Variants in ARHGAP40 observed in about 807,000 individuals in gnomAD.
ARHGAP40 encodes the protein rho GTPase-activating protein 40.
In ARHGAP40, 43 loss-of-function variants were observed where a neutral mutation model predicts 73.5. The observed-to-expected ratio is 0.58, with a 90% CI of 0.46 to 0.75. The LOEUF (loss-of-function observed/expected upper bound fraction) is 0.75. Ranked by LOEUF, ARHGAP40 falls within the 30% of genes least tolerant of loss-of-function variation. The probability of loss-of-function intolerance (pLI) is 0.00; values close to 1 mark genes in which losing one functional copy is unlikely to be tolerated. For missense variants in ARHGAP40, 734 were observed against 861.8 expected, an observed-to-expected ratio of 0.85 and a Z score of 1.86; for synonymous variants, 300 against 352.8, an observed-to-expected ratio of 0.85 and a Z score of 1.68.
intron 1 of ARHGAP40, among the ~76,000 whole-genome samples, chr20:38,608,650 T>C (rs1309873863): frequency 6.6e-6 from 1 of 152,146 alleles, no homozygotes; most frequent in Non-Finnish European, 1.5e-5. Flanking sequence ...TTAGCCACTA[T>C]AGTGGCTAAG....
intron 7 of ARHGAP40, 110 bp downstream of exon 7, chr20:38,637,909 C>G: frequency 2.3e-6 from 2 of 884,142 alleles, no homozygotes; most frequent in Non-Finnish European, 3.0e-6. Context: ...GCTTTAGAAT[C>G]AGGCAGACTT....
At chr20:38,641,947 C>A in intron 10 of ARHGAP40, 139 bp downstream of exon 10, 1 of 593,372 alleles carries the variant, frequency 1.7e-6, no homozygotes, top group Non-Finnish European at 2.5e-6. Flanking sequence ...CCACACAAAC[C>A]TCTCTTGAGA....
intron 1 of ARHGAP40, among the ~76,000 whole-genome samples, chr20:38,618,756 C>G (rs2088857746): frequency 6.6e-6 from 1 of 152,084 alleles, no homozygotes; most frequent in Admixed American, 6.5e-5. Flanking sequence ...CAACCCCTTC[C>G]AAGGAGCAAG....
chr20:38,631,260 A>T (rs914394420), intron 5 of ARHGAP40, among the ~76,000 whole-genome samples: 3 of 148,210 alleles, frequency 2.0e-5, no homozygotes, highest in Non-Finnish European at 4.5e-5. Context: ...GCAGTGAGCT[A>T]TGATTGCACC....
chr20:38,640,991 T>G (rs981722924), intron 9 of ARHGAP40, among the ~76,000 whole-genome samples: 2 of 152,142 alleles, frequency 1.3e-5, no homozygotes, highest in African/African-American at 4.8e-5. Flanking sequence ...CCTCCTTTAC[T>G]ATTGTGTCCA....
chr20:38,628,424 C>G (rs529557857), intron 3 of ARHGAP40, among the ~76,000 whole-genome samples: 3 of 152,188 alleles, frequency 2.0e-5, no homozygotes, highest in African/African-American at 7.2e-5. Context: ...CCTGCCTCAG[C>G]CTGCCGAGTA....
chr20:38,632,242 G>T (rs1022584350), intron 5 of ARHGAP40, among the ~76,000 whole-genome samples: 10 of 150,186 alleles, frequency 6.7e-5, no homozygotes, highest in Admixed American at 4.6e-4. Context: ...AGGATTACAG[G>T]TATGAGCCAC....
In ARHGAP40 at chr20:38,643,571, G is replaced by A. The variant is rs1354099311; in HGVS notation, c.1363-133G>A. ...GGCCGGTGACACAGCTGGAACGGGA[G>A]CCCCTCTTGCTGCCCTCCCAGCTCC... On this transcript the variant is annotated intron_variant, in intron 10 of 14. Transcript: ENST00000373345. 2.2e-5 allele frequency: 13 copies of A among 599,784 alleles called. No individual in the cohort carries two copies. In the East Asian group the frequency reaches 8.9e-4, roughly 41 times the overall value. The allele number at this position is 599,784 out of a possible 1,614,324, so 37.2% of individuals were successfully genotyped here. A position where few individuals can be genotyped will look rare whatever the true frequency, so the allele number is the denominator to read the frequency against.
At chr20:38,605,323 G>C (rs1472279887) in intron 1 of ARHGAP40, among the ~76,000 whole-genome samples, 1 of 152,182 alleles carries the variant, frequency 6.6e-6, no homozygotes, top group Non-Finnish European at 1.5e-5. Context: ...ATGTCCACAG[G>C]CTGGTCCAGG....
At chr20:38,630,396 T>A (rs964760369) in intron 5 of ARHGAP40, among the ~76,000 whole-genome samples, 7 of 151,756 alleles carry the variant, frequency 4.6e-5, no homozygotes, top group Non-Finnish European at 5.9e-5. Flanking sequence ...ATTTTTAAAA[T>A]TTTTTTTAGA....
At chr20:38,647,658 G>A (rs1472524704) in intron 13 of ARHGAP40, among the ~76,000 whole-genome samples, 3 of 152,166 alleles carry the variant, frequency 2.0e-5, no homozygotes, top group South Asian at 2.1e-4. Flanking sequence ...CTCTCAAAGC[G>A]CTGGGATTAC....
At chr20:38,645,563 C>T (rs968255680) in intron 11 of ARHGAP40, among the ~76,000 whole-genome samples, 14 of 152,170 alleles carry the variant, frequency 9.2e-5, no homozygotes, top group African/African-American at 3.4e-4. Flanking sequence ...GAGACAGAAA[C>T]ATGTTATTAG....
At chr20:38,601,951 G>A (rs1208620659) in exon 1 of ARHGAP40, 1 of 1,287,826 alleles carries the variant, frequency 7.8e-7, no homozygotes, top group African/African-American at 1.5e-5. Flanking sequence ...CCATGGCCGA[G>A]CCTGCCCTCC....
intron 1 of ARHGAP40, among the ~76,000 whole-genome samples, chr20:38,612,013 T>TG (rs2088807670): frequency 6.6e-6 from 1 of 152,184 alleles, no homozygotes; most frequent in Admixed American, 6.5e-5. Context: ...CATGAGCCAC[T>TG]GTGCCTGGTC....
rs897716852 is a variant in ARHGAP40, at chr20:38,638,790, G to A, written c.1071G>A (p.Leu357=). The A allele has an allele frequency of 3.8e-6, 5 of 1,305,336 alleles. No individual in the cohort carries two copies. In the African/African-American group the frequency reaches 7.6e-5, roughly 20 times the overall value. 80.9% of individuals were successfully genotyped at this position (1,305,336 alleles called of 1,614,324 possible). A position where few individuals can be genotyped will look rare whatever the true frequency, so the allele number is the denominator to read the frequency against. Reference sequence around the variant, plus strand: ...TGTCCTGTTTGGAAAAGAGAGGACTGGACATGGAAGGCATTCTCAGGGTGC... The same window carrying A: ...TGTCCTGTTTGGAAAAGAGAGGACTAGACATGGAAGGCATTCTCAGGGTGC... The change falls in exon 8 of 15, where the codon CTG becomes CTA. Residue 357 remains leucine, a synonymous_variant. Coordinates refer to ENST00000373345, the Ensembl canonical transcript of ARHGAP40.
At chr20:38,637,569 G>A (rs1341249159) in intron 6 of ARHGAP40, 139 bp from the exon 7 acceptor site, 2 of 542,136 alleles carry the variant, frequency 3.7e-6, no homozygotes, top group East Asian at 7.0e-5. Flanking sequence ...GAGCGGTTTG[G>A]GTCCAACCAT....
intron 1 of ARHGAP40, among the ~76,000 whole-genome samples, chr20:38,618,411 G>T (rs988686447): frequency 3.3e-5 from 5 of 152,148 alleles, no homozygotes; most frequent in African/African-American, 1.2e-4. Context: ...CCAGCCCAAA[G>T]TTCTTGACTT....
chr20:38,627,797 A>G (rs1056016562), intron 3 of ARHGAP40, among the ~76,000 whole-genome samples: 9 of 152,082 alleles, frequency 5.9e-5, no homozygotes, highest in African/African-American at 2.2e-4. Flanking sequence ...CATGCATGCC[A>G]CTGCATATAT....
At chr20:38,628,819 TG>T in intron 3 of ARHGAP40, 107 bp from the exon 4 acceptor site, 1 of 756,478 alleles carries the variant, frequency 1.3e-6, no homozygotes, top group Non-Finnish European at 1.9e-6. Flanking sequence ...TGGGCTTCAG[TG>T]GCTCCATCTG....
Sources: gnomAD v4.1 joint callset for allele counts (sites outside exome capture counted in the v4.1 genomes callset) on GRCh38, gnomAD v4.1.1 for gene constraint, MANE v1.5 for transcripts, NCBI Gene and HGNC (gene_info 2026-07-23, HGNC 2026-07-21) for gene names.